ELF5: variants seen among roughly 807,000 people sequenced by gnomAD.
The protein encoded by ELF5 is E74 like ETS transcription factor 5.
ELF5 carries 31 observed loss-of-function variants against 38.2 expected under a neutral mutation model. The ratio of observed to expected loss-of-function variants is 0.81; its 90% confidence interval spans 0.61 to 1.10. The LOEUF (loss-of-function observed/expected upper bound fraction) is 1.10, where lower values mean the gene tolerates loss of function less well. Among genes scored for constraint, ELF5 ranks in the 50% least tolerant of loss-of-function variants. ELF5 has a pLI of 0.00. For missense variants in ELF5, 300 were observed against 306.6 expected (o/e 0.98, Z 0.16); for synonymous variants, 121 against 112.5 (o/e 1.08, Z -0.48).
intron 1 of ELF5, among the ~76,000 whole-genome samples, chr11:34,506,056 G>A (rs1850607821): frequency 6.6e-6 from 1 of 152,144 alleles, no homozygotes; most frequent in African/African-American, 2.4e-5. Context: ...ATGCAATATT[G>A]CCTCTTTATT....
chr11:34,503,986 G>T (rs182179987), intron 2 of ELF5, among the ~76,000 whole-genome samples: 1 of 152,152 alleles, frequency 6.6e-6, no homozygotes, highest in Admixed American at 6.5e-5. Context: ...ACACAGAGCC[G>T]CTGCTTCACT....
At chr11:34,483,071 C>G (rs1564973558) in intron 4 of ELF5, among the ~76,000 whole-genome samples, 1 of 151,932 alleles carries the variant, frequency 6.6e-6, no homozygotes, top group African/African-American at 2.4e-5. Flanking sequence ...CTCTTAGCCC[C>G]CTGCTTGCTT....
intron 2 of ELF5, among the ~76,000 whole-genome samples, chr11:34,494,581 T>A (rs1278440023): frequency 6.6e-6 from 1 of 152,206 alleles, no homozygotes; most frequent in Admixed American, 6.5e-5. Context: ...GTGCCATCTG[T>A]CTGGGAGGCT....
intron 2 of ELF5, among the ~76,000 whole-genome samples, chr11:34,495,949 G>A (rs1238313654): frequency 2.6e-5 from 4 of 152,366 alleles, no homozygotes; most frequent in African/African-American, 9.6e-5. Flanking sequence ...TATGAGCCTT[G>A]ACATTTTTCA....
At chr11:34,501,883 G>A (rs966852745) in intron 2 of ELF5, among the ~76,000 whole-genome samples, 2 of 152,054 alleles carry the variant, frequency 1.3e-5, no homozygotes, top group Non-Finnish European at 2.9e-5. Context: ...CCCTCTCCTA[G>A]ACATCATTTG....
intron 5 of ELF5, 69 bp from the exon 6 acceptor site, chr11:34,481,036 T>A (rs1361485899): frequency 7.2e-6 from 9 of 1,242,236 alleles, no homozygotes; most frequent in South Asian, 4.2e-5. Context: ...TTAATTAATT[T>A]TTTTGAGACA....
intron 1 of ELF5, among the ~76,000 whole-genome samples, chr11:34,513,207 C>T (rs1293322938): frequency 6.6e-6 from 1 of 152,138 alleles, no homozygotes; most frequent in Non-Finnish European, 1.5e-5. Flanking sequence ...CCTGAAAATG[C>T]CCCAAACTAT....
Position 34,483,201 on chromosome 11 carries a change from C to T in ELF5, c.407-702G>A, listed in dbSNP as rs143409995. ...TGTTCCCTTGGATACTTGTGGTGCA[C>T]GCCCTCATCTCAATCCTGTTTCAAA... On this transcript the variant is annotated intron_variant, in intron 4 of 6. Coordinates refer to ENST00000257832, the MANE Select transcript of ELF5 (RefSeq NM_001422.4). 2.1e-4 allele frequency among the ~76,000 whole-genome samples: 32 copies of T among 152,102 alleles called. No homozygotes were observed. The East Asian group carries it at 5.8e-3, about 28-fold the overall frequency.
At chr11:34,496,194 G>T (rs1332738400) in intron 2 of ELF5, among the ~76,000 whole-genome samples, 1 of 152,256 alleles carries the variant, frequency 6.6e-6, no homozygotes, top group Non-Finnish European at 1.5e-5. Flanking sequence ...CACCGGGGAG[G>T]TGTTGCTGGC....
intron 1 of ELF5, chr11:34,511,745 C>T: frequency 2.9e-6 from 2 of 683,414 alleles, no homozygotes; most frequent in Non-Finnish European, 4.9e-6. Context: ...GCCTGAGCAA[C>T]CCGGCACCCC....
At chr11:34,511,265 C>A (rs975001900) in intron 1 of ELF5, among the ~76,000 whole-genome samples, 1 of 152,190 alleles carries the variant, frequency 6.6e-6, no homozygotes, top group Non-Finnish European at 1.5e-5. Flanking sequence ...CTGATTTCCT[C>A]TTCTCCCTTT....
chr11:34,483,743 C>T (rs12420592), intron 4 of ELF5, among the ~76,000 whole-genome samples: 1 of 147,246 alleles, frequency 6.8e-6, no homozygotes, highest in Admixed American at 6.9e-5. Context: ...TACTATACTA[C>T]ACCAACTACA....
At chr11:34,502,217 G>A (rs1328094493) in intron 2 of ELF5, among the ~76,000 whole-genome samples, 1 of 152,230 alleles carries the variant, frequency 6.6e-6, no homozygotes, top group African/African-American at 2.4e-5. Flanking sequence ...TCACATGGCT[G>A]GTAAGTGGCA....
chr11:34,489,110 G>A (rs1410991912), intron 4 of ELF5, among the ~76,000 whole-genome samples: 1 of 152,260 alleles, frequency 6.6e-6, no homozygotes, highest in East Asian at 1.9e-4. Context: ...GCTTAAGCCC[G>A]TAGCGTGTGG....
At chr11:34,497,681 C>G (rs541542007) in intron 2 of ELF5, among the ~76,000 whole-genome samples, 21 of 152,264 alleles carry the variant, frequency 1.4e-4, no homozygotes, top group African/African-American at 5.1e-4. Flanking sequence ...GCTACCCGAC[C>G]CCTTGCCTTG....
At chr11:34,497,640 G>A (rs1329784022) in intron 2 of ELF5, among the ~76,000 whole-genome samples, 1 of 152,226 alleles carries the variant, frequency 6.6e-6, no homozygotes, top group East Asian at 1.9e-4. Flanking sequence ...AGACAGTGGG[G>A]ATTGGAAAGT....
At chr11:34,487,245 C>T (rs11032722) in intron 4 of ELF5, among the ~76,000 whole-genome samples, 44,743 of 151,916 alleles carry the variant, frequency 0.29, 8,686 homozygotes, top group Non-Finnish European at 0.42. Context: ...CTCAGGTGGA[C>T]TTAAACTTCT....
chr11:34,489,775 G>A (rs181040641), intron 4 of ELF5, among the ~76,000 whole-genome samples: 1 of 152,134 alleles, frequency 6.6e-6, no homozygotes, highest in Non-Finnish European at 1.5e-5. Flanking sequence ...TTACAGATAG[G>A]GGAATGGAGT....
chr11:34,510,288 C>A (rs564727820), intron 1 of ELF5, among the ~76,000 whole-genome samples: 3 of 148,398 alleles, frequency 2.0e-5, no homozygotes, highest in East Asian at 4.0e-4. Context: ...GAAAAAATAT[C>A]TTTTATAAAA....
Sources: gnomAD v4.1 joint callset for allele counts (sites outside exome capture counted in the v4.1 genomes callset) on GRCh38, gnomAD v4.1.1 for gene constraint, MANE v1.5 for transcripts, NCBI Gene and HGNC (gene_info 2026-07-23, HGNC 2026-07-21) for gene names.